SPRED1: variants seen among roughly 807,000 people sequenced by gnomAD.
SPRED1 encodes the protein sprouty-related, EVH1 domain-containing protein 1.
Under a neutral mutation model 52.3 loss-of-function variants are expected in SPRED1, and 18 were observed. The ratio of observed to expected loss-of-function variants is 0.34; its 90% CI spans 0.24 to 0.51. The LOEUF is 0.51. SPRED1 is among the 20% of genes least tolerant of loss of function. The probability of loss-of-function intolerance (pLI) is 0.97; values close to 1 mark genes in which losing one functional copy is unlikely to be tolerated. For synonymous variants in SPRED1, 155 were observed against 179.7 expected (o/e 0.86, Z 1.10); for missense variants, 485 against 551.0 (o/e 0.88, Z 1.20).
chr15:38,332,904 G>A lies in SPRED1; in HGVS notation c.424-6833G>A, dbSNP rs565121493. ...TCAAGGCACAGACTGTGCCTGGTGA[G>A]GGCCCACTTTCAGGTTCATAAGTGA... is the stretch of plus-strand genomic sequence containing the variant. On this transcript the variant is annotated intron_variant, in intron 4 of 6. Coordinates refer to ENST00000299084, the MANE Select transcript of SPRED1 (RefSeq NM_152594.3). 2.6e-5 allele frequency among the ~76,000 whole-genome samples: 4 copies of A among 152,256 alleles called. No individual in the cohort carries two copies. In the South Asian group the frequency reaches 8.3e-4, roughly 32 times the overall value.
intron 4 of SPRED1, among the ~76,000 whole-genome samples, chr15:38,330,669 C>G (rs1039366034): frequency 4.6e-5 from 7 of 151,924 alleles, no homozygotes; most frequent in African/African-American, 1.7e-4. Flanking sequence ...GGCTCTTTAC[C>G]AAAGAAAATT....
At chr15:38,271,829 G>A (rs539908443) in intron 1 of SPRED1, among the ~76,000 whole-genome samples, 1 of 152,284 alleles carries the variant, frequency 6.6e-6, no homozygotes, top group Admixed American at 6.5e-5. Context: ...ATGATGCAGA[G>A]GTTTGGGGTA....
intron 1 of SPRED1, among the ~76,000 whole-genome samples, chr15:38,296,434 T>A (rs1393878905): frequency 2.6e-5 from 4 of 152,182 alleles, no homozygotes; most frequent in Admixed American, 2.0e-4. Flanking sequence ...TTATTCTGGT[T>A]CATGTGTAAT....
At chr15:38,307,839 TTA>T (rs1895282339) in intron 2 of SPRED1, among the ~76,000 whole-genome samples, 1 of 152,186 alleles carries the variant, frequency 6.6e-6, no homozygotes, top group South Asian at 2.1e-4. Flanking sequence ...TCCAGACAGT[TTA>T]TGTTTTTTCG....
chr15:38,310,115 T>TTGTGTGTGTGTGTGTGTG (rs767218956), intron 2 of SPRED1, among the ~76,000 whole-genome samples: 297 of 23,168 alleles, frequency 0.013, 2 homozygotes, highest in Admixed American at 0.031. Flanking sequence ...AGACTATTCT[T>TTGTGTGTGTGTGTGTGTG]TGTGTGTGTG....
intron 2 of SPRED1, among the ~76,000 whole-genome samples, chr15:38,316,989 G>C (rs1245958129): frequency 6.6e-6 from 1 of 151,474 alleles, no homozygotes; most frequent in Non-Finnish European, 1.5e-5. Flanking sequence ...CTTTACAGTA[G>C]CTGTCTACAC....
chr15:38,271,959 C>T (rs1404432554), intron 1 of SPRED1, among the ~76,000 whole-genome samples: 2 of 152,090 alleles, frequency 1.3e-5, no homozygotes, highest in African/African-American at 2.4e-5. Context: ...TCTTTATGTC[C>T]AGGAGTACCC....
Position 38,349,415 on chromosome 15 carries a change from A to G in SPRED1, c.583-7A>G, listed in dbSNP as rs115970207. On this transcript the variant is annotated splice_region_variant and splice_polypyrimidine_tract_variant and intron_variant, in intron 5 of 6. Transcript: ENST00000299084. Reference sequence around the variant, plus strand: ...TGTCATTTAAGTAGAAATTGTTTGTATTTTAGATAACATTTGGTCAGCCAG... The same window carrying G: ...TGTCATTTAAGTAGAAATTGTTTGTGTTTTAGATAACATTTGGTCAGCCAG... 1,840 of 1,601,084 alleles carry G rather than the reference A, an allele frequency of 1.1e-3. 13 individuals are homozygous for G. In the African/African-American group the frequency reaches 0.02, roughly 18 times the overall value.
At chr15:38,341,077 T>C (rs1217531568) in intron 5 of SPRED1, among the ~76,000 whole-genome samples, 2 of 151,202 alleles carry the variant, frequency 1.3e-5, no homozygotes, top group Non-Finnish European at 2.9e-5. Flanking sequence ...CTTTCCTAAT[T>C]CTTTTTGTGT....
At chr15:38,255,111 T>C (rs949418388) in intron 1 of SPRED1, among the ~76,000 whole-genome samples, 1 of 152,202 alleles carries the variant, frequency 6.6e-6, no homozygotes, top group Non-Finnish European at 1.5e-5. Flanking sequence ...TGGCCATTTT[T>C]TTAAATACTT....
At chr15:38,267,438 A>G (rs1180952906) in intron 1 of SPRED1, among the ~76,000 whole-genome samples, 1 of 152,204 alleles carries the variant, frequency 6.6e-6, no homozygotes, top group African/African-American at 2.4e-5. Flanking sequence ...GTCAAAGAGT[A>G]CAAGTGGTTT....
At chr15:38,329,799 T>G (rs1399828735) in intron 4 of SPRED1, among the ~76,000 whole-genome samples, 2 of 152,152 alleles carry the variant, frequency 1.3e-5, no homozygotes, top group East Asian at 3.8e-4. Flanking sequence ...TGTATACAAA[T>G]GCATACTTCC....
At chr15:38,339,456 T>G (rs1441249645) in intron 4 of SPRED1, among the ~76,000 whole-genome samples, 1 of 152,192 alleles carries the variant, frequency 6.6e-6, no homozygotes, top group Non-Finnish European at 1.5e-5. Context: ...TTATTATAAT[T>G]AGCTCTTCTA....
chr15:38,332,835 A>C (rs1386393341), intron 4 of SPRED1, among the ~76,000 whole-genome samples: 2 of 152,174 alleles, frequency 1.3e-5, no homozygotes, highest in Non-Finnish European at 2.9e-5. Flanking sequence ...GGTAGCTTAT[A>C]AACAAAAGTA....
At chr15:38,277,113 T>C (rs1212165844) in intron 1 of SPRED1, among the ~76,000 whole-genome samples, 1 of 152,208 alleles carries the variant, frequency 6.6e-6, no homozygotes, top group Non-Finnish European at 1.5e-5. Flanking sequence ...AAATTTCTTG[T>C]GTCAGTATAA....
intron 1 of SPRED1, among the ~76,000 whole-genome samples, chr15:38,272,264 G>A (rs1293083694): frequency 2.3e-5 from 2 of 86,500 alleles, no homozygotes. Flanking sequence ...GATTGTAGGG[G>A]TCGAATGCTA....
chr15:38,310,153 G>GTGTGTGTGTGTGTGTGTGTGTGTTTT (rs373463622), intron 2 of SPRED1, among the ~76,000 whole-genome samples: 2 of 132,188 alleles, frequency 1.5e-5, no homozygotes, highest in South Asian at 5.2e-4. Flanking sequence ...GTGTGTGTGT[G>GTGTGTGTGTGTGTGTGTGTGTGTTTT]TTTGGAGACG....
chr15:38,335,414 C>T (rs2141004216), intron 4 of SPRED1, among the ~76,000 whole-genome samples: 1 of 152,052 alleles, frequency 6.6e-6, no homozygotes, highest in Non-Finnish European at 1.5e-5. Context: ...GAGGGCTTTG[C>T]ACTAAGACAG....
Position 38,298,405 on chromosome 15 carries a change from A to G in SPRED1, c.33-968A>G, listed in dbSNP as rs1026761406. 7.9e-5 allele frequency among the ~76,000 whole-genome samples: 12 copies of G among 152,354 alleles called. 1 individual carries two copies. The highest frequency in any genetic ancestry group is 3.4e-3 in the Middle Eastern group (1 of 294). Reference sequence around the variant, plus strand: ...AAAAAAGACATGTACAAGAATGTTTATAACAGCTTTATTCATAATTGCCAA... The same window carrying G: ...AAAAAAGACATGTACAAGAATGTTTGTAACAGCTTTATTCATAATTGCCAA... On this transcript the variant is annotated intron_variant, in intron 1 of 6. Coordinates refer to ENST00000299084, the MANE Select transcript of SPRED1 (RefSeq NM_152594.3).
Sources: allele counts gnomAD v4.1 joint callset (sites outside exome capture counted in the v4.1 genomes callset), GRCh38; gene constraint gnomAD v4.1.1; transcripts MANE v1.5; gene names NCBI Gene and HGNC (gene_info 2026-07-23, HGNC 2026-07-21).